Variants in PRSS23 observed in about 807,000 individuals in gnomAD.
The protein encoded by PRSS23 is protease, serine 23.
PRSS23 carries 25 observed loss-of-function variants against 34.7 expected under a neutral mutation model. The observed-to-expected ratio is 0.72, with a 90% confidence interval of 0.53 to 1.01. The LOEUF (loss-of-function observed/expected upper bound fraction) is 1.01, where lower values mean the gene tolerates loss of function less well. Ranked by LOEUF, PRSS23 falls within the 50% of genes least tolerant of loss-of-function variation. PRSS23 has a pLI of 0.00. For missense variants in PRSS23, 445 were observed against 475.6 expected (o/e 0.94, Z 0.60); for synonymous variants, 176 against 186.6 (o/e 0.94, Z 0.46).
At chr11:86,837,523 C>G (rs937117738) in intron 2 of PRSS23, 1 of 152,208 alleles carries the variant, frequency 6.6e-6, no homozygotes, top group Non-Finnish European at 1.5e-5. Context: ...AATCCCAGCA[C>G]TTTGGGAGGC....
At chr11:86,885,438 G>A (rs2134965572) in intron 2 of PRSS23, among the ~76,000 whole-genome samples, 1 of 152,254 alleles carries the variant, frequency 6.6e-6, no homozygotes, top group East Asian at 1.9e-4. Context: ...CCAGATATTT[G>A]GCCAAACATT....
chr11:86,876,063 T>C (rs1490910999), intron 2 of PRSS23, among the ~76,000 whole-genome samples: 2 of 152,358 alleles, frequency 1.3e-5, no homozygotes, highest in African/African-American at 4.8e-5. Context: ...ACTCTGCCTT[T>C]CTGAGACTTA....
chr11:86,875,106 A>C (rs941550784), intron 2 of PRSS23, among the ~76,000 whole-genome samples: 1 of 152,218 alleles, frequency 6.6e-6, no homozygotes, highest in Non-Finnish European at 1.5e-5. Context: ...CAGTCTCACA[A>C]CTGCTGTATC....
chr11:86,822,553 C>T (rs1017665895), intron 1 of PRSS23, among the ~76,000 whole-genome samples: 3 of 148,002 alleles, frequency 2.0e-5, no homozygotes, highest in Non-Finnish European at 4.4e-5. Context: ...CCTGGGAGGT[C>T]GAGACTGCAG....
rs985903969 is a variant in PRSS23 at position 86,800,617 on chromosome 11, A to C, written c.-48A>C. 3 of 984,936 alleles carry C rather than the reference A, an allele frequency of 3.0e-6. No homozygotes were observed. Among genetic ancestry groups the C allele is most frequent in the African/African-American group, 1.7e-5 (1 of 57,162 alleles). 61.0% of individuals were successfully genotyped at this position (984,936 alleles called of 1,614,324 possible). ...GCGCCCACACCTGTCTGAGCGGCGC[A>C]GCGAGCCGCGGCCCGGGCGGGCTGC... is the stretch of plus-strand genomic sequence containing the variant. On this transcript the variant is annotated 5_prime_UTR_variant, in exon 1 of 2. Transcript: ENST00000280258.
At chr11:86,814,600 G>A (rs886996678), downstream of PRSS23, among the ~76,000 whole-genome samples, 5 of 152,312 alleles carry the variant, frequency 3.3e-5, no homozygotes, top group East Asian at 1.9e-4. Context: ...AGAGGAGTCT[G>A]TCTAGTCCTC....
chr11:86,907,755 G>A (rs1219204362), intron 2 of PRSS23, among the ~76,000 whole-genome samples: 2 of 152,160 alleles, frequency 1.3e-5, no homozygotes, highest in African/African-American at 4.8e-5. Flanking sequence ...CCACCACGCT[G>A]GCCTTAACAA....
chr11:86,852,796 C>G (rs1185896090), intron 2 of PRSS23, among the ~76,000 whole-genome samples: 2 of 152,308 alleles, frequency 1.3e-5, no homozygotes, highest in African/African-American at 2.4e-5. Context: ...TTTTGCAACT[C>G]TATGCATTTA....
downstream of PRSS23, among the ~76,000 whole-genome samples, chr11:86,812,644 C>T (rs1010992760): frequency 6.6e-6 from 1 of 151,818 alleles, no homozygotes; most frequent in African/African-American, 2.4e-5. Context: ...AAAAATTGGC[C>T]GGGCATGGTG....
intron 2 of PRSS23, among the ~76,000 whole-genome samples, chr11:86,892,997 G>C (rs777682106): frequency 6.6e-6 from 1 of 152,132 alleles, no homozygotes; most frequent in African/African-American, 2.4e-5. Context: ...ATATAATTTA[G>C]GTAAAGATCA....
rs1949289135 is a variant in PRSS23, at chr11:86,951,295, C to T, written c.*10C>T. On this transcript the variant is annotated 3_prime_UTR_variant, in exon 3 of 3. Transcript: ENST00000533902. ...AAATCCACATGCCTGAAGTGATGCC[C>T]ACCAACAAAGACATAAAAATTTTCA... The T allele has an allele frequency of 1.9e-6, 3 of 1,613,994 alleles. No homozygotes were observed. In the Admixed American group the frequency reaches 5.0e-5, roughly 27 times the overall value.
At chr11:86,818,636 G>T (rs772465941) in intron 1 of PRSS23, among the ~76,000 whole-genome samples, 16 of 152,150 alleles carry the variant, frequency 1.1e-4, no homozygotes, top group African/African-American at 3.4e-4. Context: ...TTGCCAACTG[G>T]ACTGACTTTT....
At chr11:86,837,091 A>G (rs974748532) in intron 2 of PRSS23, 1 of 152,234 alleles carries the variant, frequency 6.6e-6, no homozygotes, top group African/African-American at 2.4e-5. Flanking sequence ...ATCATCATAT[A>G]TAACAAATTC....
At chr11:86,931,209 C>A (rs1194795345) in intron 2 of PRSS23, among the ~76,000 whole-genome samples, 1 of 152,116 alleles carries the variant, frequency 6.6e-6, no homozygotes, top group Non-Finnish European at 1.5e-5. Context: ...TACATCTACC[C>A]TATGACCTAG....
intron 2 of PRSS23, among the ~76,000 whole-genome samples, chr11:86,875,673 AAG>A (rs1247139578): frequency 6.6e-6 from 1 of 152,234 alleles, no homozygotes; most frequent in African/African-American, 2.4e-5. Flanking sequence ...CGTAATATAG[AAG>A]GAACATCAGA....
At chr11:86,829,839 T>C (rs1175955373) in intron 2 of PRSS23, among the ~76,000 whole-genome samples, 2 of 152,228 alleles carry the variant, frequency 1.3e-5, no homozygotes, top group African/African-American at 4.8e-5. Context: ...GTCTGATCGT[T>C]CCTCTGGAAG....
At position 86,906,512 on chromosome 11, in the gene PRSS23, A is replaced by C. The variant is rs982880591; in HGVS notation, c.207-44704A>C. 4.6e-5 allele frequency among the ~76,000 whole-genome samples: 7 copies of C among 152,286 alleles called. No individual in the cohort carries two copies. In the East Asian group the frequency reaches 1.2e-3, roughly 25 times the overall value. On this transcript the variant is annotated intron_variant, in intron 2 of 2. Coordinates refer to the PRSS23 transcript ENST00000533902. Reference sequence around the variant, plus strand: ...GGGACCGCGAGGTTGCCCCCCATCTAATCAGCCCCGCAGTGCCTCGCCAAC... The same window carrying C: ...GGGACCGCGAGGTTGCCCCCCATCTCATCAGCCCCGCAGTGCCTCGCCAAC...
chr11:86,835,164 G>T (rs1275919971), intron 2 of PRSS23, among the ~76,000 whole-genome samples: 1 of 152,222 alleles, frequency 6.6e-6, no homozygotes, highest in Non-Finnish European at 1.5e-5. Context: ...TAAGTAAACA[G>T]TTGTCTGACA....
chr11:86,905,503 A>G (rs1948936279), intron 2 of PRSS23, among the ~76,000 whole-genome samples: 1 of 152,174 alleles, frequency 6.6e-6, no homozygotes, highest in Non-Finnish European at 1.5e-5. Flanking sequence ...AATGCCAGCT[A>G]AAAACCTCAC....
Sources: allele counts gnomAD v4.1 joint callset (sites outside exome capture counted in the v4.1 genomes callset), GRCh38; gene constraint gnomAD v4.1.1; transcripts MANE v1.5; gene names NCBI Gene and HGNC (gene_info 2026-07-23, HGNC 2026-07-21).